Variants in ATG7 observed in about 807,000 individuals in gnomAD.
The protein encoded by ATG7 is autophagy related 7.
In ATG7, 70 loss-of-function variants were observed where a neutral mutation model predicts 82.4. The observed-to-expected ratio is 0.85, with a 90% CI of 0.70 to 1.04. The LOEUF (loss-of-function observed/expected upper bound fraction) is 1.04. Ranked by LOEUF, ATG7 falls within the 50% of genes least tolerant of loss-of-function variation. ATG7 has a pLI of 0.00. For missense variants in ATG7, 792 were observed against 864.3 expected, an observed-to-expected ratio of 0.92 and a Z score of 1.05; for synonymous variants, 287 against 313.0, an observed-to-expected ratio of 0.92 and a Z score of 0.88.
At chr3:11,544,131 G>T (rs2071073094) in intron 20 of ATG7, among the ~76,000 whole-genome samples, 2 of 152,224 alleles carry the variant, frequency 1.3e-5, no homozygotes, top group Non-Finnish European at 2.9e-5. Flanking sequence ...AGGGGTGAAG[G>T]GATCTGGGAG....
chr3:11,272,415 C>G lies in ATG7; in HGVS notation c.-381C>G, dbSNP rs910847700. ...GCGCCTCAGAGAGAGCTGTGGTTGC[C>G]GGAAGTTGAGCGGCGGTAAGTGAGC... is the stretch of plus-strand genomic sequence containing the variant. On this transcript the variant is annotated 5_prime_UTR_variant, in exon 1 of 21. Coordinates refer to ENST00000693202, the MANE Select transcript of ATG7 (RefSeq NM_001349232.2). The G allele has an allele frequency of 6.6e-5, 10 of 152,480 alleles. No homozygotes were observed. 9.4% of individuals were successfully genotyped at this position (152,480 alleles called of 1,614,324 possible).
chr3:11,333,659 C>T (rs1350080745), intron 11 of ATG7, among the ~76,000 whole-genome samples: 1 of 150,552 alleles, frequency 6.6e-6, no homozygotes, highest in Non-Finnish European at 1.5e-5. Flanking sequence ...TATATATACA[C>T]ATATATATAT....
chr3:11,376,941 G>A (rs1180205094), intron 18 of ATG7, among the ~76,000 whole-genome samples: 2 of 152,056 alleles, frequency 1.3e-5, no homozygotes, highest in Non-Finnish European at 2.9e-5. Context: ...GGGTTTCACC[G>A]TGTTAGCCAG....
rs1347956331 is a variant in ATG7, at chr3:11,384,230, T to C, written c.1956+4178T>C. ...GAGGAGACTGCGTGCAGAGTATTCTTGCTCTTGTTGCACAATTCTATTACT... is the reference window on the plus strand; with the variant it reads ...GAGGAGACTGCGTGCAGAGTATTCTCGCTCTTGTTGCACAATTCTATTACT... On this transcript the variant is annotated intron_variant, in intron 19 of 20. Coordinates refer to ENST00000693202, the MANE Select transcript of ATG7 (RefSeq NM_001349232.2). Among the ~76,000 whole-genome samples the C allele has an allele frequency of 2.6e-5, 4 of 152,218 alleles. No homozygotes were observed. The East Asian group carries it at 7.7e-4, about 29-fold the overall frequency.
At chr3:11,313,032 A>T (rs1020890966) in intron 7 of ATG7, among the ~76,000 whole-genome samples, 5 of 152,212 alleles carry the variant, frequency 3.3e-5, no homozygotes, top group African/African-American at 1.2e-4. Flanking sequence ...TATCAATTAC[A>T]TATTGCACAT....
At chr3:11,532,356 G>A (rs2092709530) in intron 20 of ATG7, among the ~76,000 whole-genome samples, 1 of 152,190 alleles carries the variant, frequency 6.6e-6, no homozygotes, top group South Asian at 2.1e-4. Flanking sequence ...GGAGGAAACG[G>A]AGGAGGACAG....
At chr3:11,548,643 C>T (rs2071495466) in intron 20 of ATG7, among the ~76,000 whole-genome samples, 1 of 152,284 alleles carries the variant, frequency 6.6e-6, no homozygotes, top group Non-Finnish European at 1.5e-5. Context: ...CTCTGCATTT[C>T]TTTCTTCTTT....
chr3:11,359,935 T>C (rs1031901451), intron 15 of ATG7, among the ~76,000 whole-genome samples: 2 of 152,382 alleles, frequency 1.3e-5, no homozygotes, highest in South Asian at 2.1e-4. Flanking sequence ...CTTGGTTTTA[T>C]ATACCTACCT....
intron 1 of ATG7, chr3:11,272,783 T>G (rs1261778298): frequency 6.6e-6 from 1 of 152,290 alleles, no homozygotes; most frequent in African/African-American, 2.4e-5. Context: ...TGGCTGTGTC[T>G]GGATTTGCTG....
chr3:11,295,182 G>A (rs1286015535), intron 3 of ATG7, among the ~76,000 whole-genome samples: 3 of 152,170 alleles, frequency 2.0e-5, no homozygotes, highest in Non-Finnish European at 4.4e-5. Flanking sequence ...GCGCTATCTG[G>A]GGATGTGATG....
chr3:11,506,612 G>A (rs1424535964), intron 20 of ATG7, among the ~76,000 whole-genome samples: 2 of 149,174 alleles, frequency 1.3e-5, no homozygotes, highest in Non-Finnish European at 3.0e-5. Context: ...AGTGGTGGCA[G>A]GTGCCTGTAA....
intron 13 of ATG7, among the ~76,000 whole-genome samples, chr3:11,343,888 A>G (rs1954065259): frequency 6.6e-6 from 1 of 152,184 alleles, no homozygotes; most frequent in African/African-American, 2.4e-5. Flanking sequence ...CAATGAATTT[A>G]TAGATAAATT....
intron 1 of ATG7, among the ~76,000 whole-genome samples, chr3:11,273,214 A>G (rs942665351): frequency 6.6e-6 from 1 of 152,216 alleles, no homozygotes; most frequent in Non-Finnish European, 1.5e-5. Context: ...GTAACCAGTC[A>G]TATCTGTGGC....
intron 3 of ATG7, among the ~76,000 whole-genome samples, chr3:11,284,849 CT>C (rs34240225): frequency 1.2e-3 from 137 of 113,752 alleles, no homozygotes; most frequent in Non-Finnish European, 1.1e-3. Context: ...TGTGCCTGGC[CT>C]TTTTTTTTTT....
chr3:11,334,953 C>G (rs1245834970), intron 11 of ATG7, among the ~76,000 whole-genome samples: 3 of 119,622 alleles, frequency 2.5e-5, no homozygotes, highest in Non-Finnish European at 5.0e-5. Context: ...GACTCTGTCT[C>G]AAAAAAAAAA....
intron 20 of ATG7, among the ~76,000 whole-genome samples, chr3:11,554,327 G>A (rs745921913): frequency 6.6e-5 from 10 of 152,208 alleles, no homozygotes; most frequent in Non-Finnish European, 1.2e-4. Context: ...GGGAGTGTGG[G>A]CAGCTGGACT....
intron 20 of ATG7, among the ~76,000 whole-genome samples, chr3:11,538,408 C>G (rs760731700): frequency 3.3e-5 from 5 of 152,058 alleles, no homozygotes; most frequent in African/African-American, 9.7e-5. Context: ...CGAGACAGAC[C>G]TATGTGTGGA....
chr3:11,568,530 C>T, the ATG7 span: 2 of 1,544,032 alleles, frequency 1.3e-6, no homozygotes, highest in Non-Finnish European at 1.8e-6. The surrounding 1 kb of genome is among the most constrained non-coding windows in gnomAD (Gnocchi z 5.9). Flanking sequence ...ATGGGTCAGA[C>T]AAAGACACTG....
chr3:11,362,699 C>G, intron 16 of ATG7, 114 bp from the exon 17 acceptor site: 1 of 759,620 alleles, frequency 1.3e-6, no homozygotes, highest in Non-Finnish European at 2.1e-6. Flanking sequence ...TCTTTGCCAA[C>G]AATGAGCATC....
Sources: gnomAD v4.1 joint callset for allele counts (sites outside exome capture counted in the v4.1 genomes callset) on GRCh38, gnomAD v4.1.1 for gene constraint, Gnocchi (gnomAD v3.1) non-coding constraint, MANE v1.5 for transcripts, NCBI Gene and HGNC (gene_info 2026-07-23, HGNC 2026-07-21) for gene names.